TRMT2B: variants seen among roughly 807,000 people sequenced by gnomAD.
TRMT2B encodes tRNA (uracil-5-)-methyltransferase homolog B.
A neutral mutation model predicts 39.7 loss-of-function variants in TRMT2B; 34 were observed. The observed-to-expected ratio is 0.86, with a 90% CI of 0.65 to 1.14. The LOEUF (loss-of-function observed/expected upper bound fraction) is 1.14. Ranked by LOEUF, TRMT2B falls within the 50% of genes most tolerant of loss-of-function variation. The pLI is 0.00. For missense variants in TRMT2B, 318 were observed against 377.2 expected (o/e 0.84, Z 1.30); for synonymous variants, 132 against 137.3 (o/e 0.96, Z 0.27).
chrX:100,994,156 G>A, the TRMT2B span, among the ~76,000 whole-genome samples: 778 of 111,128 alleles, frequency 7.0e-3, 14 homozygotes, highest in African/African-American at 0.024. Context: ...TACAACCAAC[G>A]CCTCCCATAT....
chrX:101,023,410 A>G, intron 8 of TRMT2B, 60 bp downstream of exon 8: 2 of 1,148,168 alleles, frequency 1.7e-6, no homozygotes, highest in East Asian at 3.0e-5. Flanking sequence ...CAAAAAACCA[A>G]TTACAGTTAT....
intron 7 of TRMT2B, among the ~76,000 whole-genome samples, chrX:101,025,577 A>C (rs1403209865): frequency 8.9e-6 from 1 of 112,218 alleles, no homozygotes; most frequent in Non-Finnish European, 1.9e-5. Context: ...TTAAGGTTGT[A>C]CTTGATCACT....
At chrX:101,048,628 G>A (rs1234691244) in intron 2 of TRMT2B, among the ~76,000 whole-genome samples, 2 of 111,517 alleles carry the variant, frequency 1.8e-5, no homozygotes, top group African/African-American at 3.3e-5. Context: ...TAGTAGAGAC[G>A]GGGGTCTCAT....
At chrX:101,000,200 A>C in the TRMT2B span, among the ~76,000 whole-genome samples, 2 of 105,800 alleles carry the variant, frequency 1.9e-5, no homozygotes, top group Admixed American at 1.0e-4. Flanking sequence ...CACTCACTGC[A>C]ACCTCCACCT....
At chrX:101,032,397 C>T (rs1771714014) in intron 7 of TRMT2B, among the ~76,000 whole-genome samples, 1 of 107,951 alleles carries the variant, frequency 9.3e-6, no homozygotes, top group African/African-American at 3.4e-5. Flanking sequence ...ACCATCCTGG[C>T]TAACACAGTG....
intron 2 of TRMT2B, among the ~76,000 whole-genome samples, chrX:101,043,239 G>A (rs1048973371): frequency 7.4e-5 from 8 of 107,903 alleles, no homozygotes; most frequent in African/African-American, 2.4e-4. Flanking sequence ...GCATTCCAGC[G>A]TGGGCAACAG....
chrX:101,042,365 A>G, intron 2 of TRMT2B, 53 bp from the exon 3 acceptor site: 2 of 1,133,586 alleles, frequency 1.8e-6, no homozygotes, highest in Non-Finnish European at 2.4e-6. Context: ...CAACTATCAA[A>G]CCCATTCATC....
the TRMT2B span, among the ~76,000 whole-genome samples, chrX:101,003,878 T>G: frequency 8.9e-6 from 1 of 111,733 alleles, no homozygotes; most frequent in Admixed American, 9.6e-5. Flanking sequence ...TCACCCAGGC[T>G]GGAGTGCAGT....
At chrX:101,040,772 A>C (rs2088180765) in intron 4 of TRMT2B, among the ~76,000 whole-genome samples, 1 of 112,080 alleles carries the variant, frequency 8.9e-6, no homozygotes, top group Non-Finnish European at 1.9e-5. Flanking sequence ...CAGAGCTATA[A>C]GTATAACAAA....
chrX:100,995,211 C>A, the TRMT2B span, among the ~76,000 whole-genome samples: 2 of 111,641 alleles, frequency 1.8e-5, no homozygotes, highest in Non-Finnish European at 3.8e-5. Context: ...AGAATGAGAA[C>A]TGTCACCCAA....
intron 7 of TRMT2B, among the ~76,000 whole-genome samples, chrX:101,034,648 G>GA (rs923109452): frequency 5.5e-5 from 6 of 108,562 alleles, no homozygotes; most frequent in East Asian, 2.9e-4. Context: ...AAGCAAAATG[G>GA]AAAAAAAAAG....
intron 7 of TRMT2B, among the ~76,000 whole-genome samples, chrX:101,028,797 ATGGGGG>A (rs1212809660): frequency 9.0e-6 from 1 of 111,052 alleles, no homozygotes; most frequent in East Asian, 2.8e-4. Flanking sequence ...TGATTGAGTT[ATGGGGG>A]TGGACCTCCC....
In TRMT2B at chrX:101,035,645, T is replaced by G; in HGVS notation, c.577A>C (p.Asn193His). 4 of 1,211,058 alleles carry G rather than the reference T, an allele frequency of 3.3e-6. No individual in the cohort carries two copies. Among genetic ancestry groups the G allele is most frequent in the Non-Finnish European group, 3.4e-6 (3 of 894,857 alleles). Residue 193 changes from asparagine to histidine, a missense_variant, in exon 7 of 14, where the codon AAC (asparagine) becomes CAC (histidine). Transcript: ENST00000372936. ...ACTTGACTGTGTTTCTCAGGGATGT[T>G]TTTCAGATGATTAGACTGCACACAG... ...VVCVQSNHLK[N>H]IPEKHSQVAQ...
chrX:101,045,047 G>T (rs1043771029), intron 2 of TRMT2B, among the ~76,000 whole-genome samples: 3 of 105,905 alleles, frequency 2.8e-5, no homozygotes, highest in Non-Finnish European at 3.9e-5. Context: ...AAAAGGGGGG[G>T]GTGGGGTGCT....
intron 7 of TRMT2B, among the ~76,000 whole-genome samples, chrX:101,035,198 A>C (rs1450132338): frequency 9.0e-6 from 1 of 111,215 alleles, no homozygotes; most frequent in Admixed American, 9.7e-5. Context: ...AAAGAAAAGA[A>C]AGAAAGAAAA....
rs1200732263 is a variant in TRMT2B, at chrX:101,037,931, G to A, written c.424C>T (p.Pro142Ser). 1 of 1,210,748 alleles carries A rather than the reference G, an allele frequency of 8.3e-7. No individual in the cohort carries two copies. The highest frequency in any genetic ancestry group is 2.2e-5 in the Admixed American group (1 of 45,860). Reference protein sequence around the residue: ...KSERLSCLLHPIIPSPVINGY... With the variant: ...KSERLSCLLHSIIPSPVINGY... ...TGGGGGCTTACAGAGGGTATAATAG[G>A]ATGGAGAAGACAAGAGAGCCTCTCA... The change falls in exon 5 of 14, where the codon CCT becomes TCT. Residue 142 changes from proline to serine, a missense_variant. Pro to Ser is a moderately conservative substitution (Grantham distance 74). Transcript: ENST00000372936.
At chrX:100,989,586 G>A in the TRMT2B span, among the ~76,000 whole-genome samples, 2 of 105,740 alleles carry the variant, frequency 1.9e-5, no homozygotes, top group African/African-American at 6.9e-5. Context: ...CTCCAGCCTG[G>A]CAACAGAGCG....
rs921204630 is a variant in TRMT2B at position 101,047,629 on chromosome X, C to T, written c.-24+3622G>A. On this transcript the variant is annotated intron_variant, in intron 2 of 13. Transcript: ENST00000372936. Reference sequence around the variant, plus strand: ...GGCGGATCACCTGAGGTCAGGAGTTCGAGACCAGCCTAGCCAACATGGTGA... The same window carrying T: ...GGCGGATCACCTGAGGTCAGGAGTTTGAGACCAGCCTAGCCAACATGGTGA... Among the ~76,000 whole-genome samples, 19 of 109,137 alleles carry T rather than the reference C, an allele frequency of 1.7e-4. 1 individual carries two copies. Among genetic ancestry groups the T allele is most frequent in the Admixed American group, 4.0e-4 (4 of 10,051 alleles). The allele number at this position is 109,137 out of a possible 115,157, so 94.8% of individuals were successfully genotyped here.
At chrX:101,038,371 CAAAA>C (rs57481304) in intron 4 of TRMT2B, among the ~76,000 whole-genome samples, 1 of 35,207 alleles carries the variant, frequency 2.8e-5, no homozygotes, top group African/African-American at 9.4e-5. Context: ...AACTCCGTCT[CAAAA>C]AAAAAAAAAA....
Sources: allele counts gnomAD v4.1 joint callset (sites outside exome capture counted in the v4.1 genomes callset), GRCh38; gene constraint gnomAD v4.1.1; transcripts MANE v1.5; gene names NCBI Gene and HGNC (gene_info 2026-07-23, HGNC 2026-07-21).